The following COL28A1 variants were observed in gnomAD, a reference collection of about 807,000 sequenced individuals.
COL28A1 encodes the protein collagen alpha-1(XXVIII) chain.
Under a neutral mutation model 150.2 loss-of-function variants are expected in COL28A1, and 161 were observed. That is an observed-to-expected ratio of 1.07 (90% CI 0.94 to 1.22). The LOEUF (loss-of-function observed/expected upper bound fraction) is 1.22, where lower values mean the gene tolerates loss of function less well. Among genes scored for constraint, COL28A1 ranks in the 50% most tolerant of loss-of-function variants. The probability of loss-of-function intolerance (pLI) is 0.00; values close to 1 mark genes in which losing one functional copy is unlikely to be tolerated. For missense variants in COL28A1, 1,617 were observed against 1,388.3 expected (o/e 1.16, Z -2.62); for synonymous variants, 552 against 469.7 (o/e 1.18, Z -2.26).
At position 7,531,779 on chromosome 7, in the gene COL28A1, C is replaced by G; in HGVS notation, c.250G>C (p.Gly84Arg). ...TTGATGTCATATTCCAAGGAGCGACCAGGAGTCAATTGGAAAATCTTGTCA... is the reference window on the plus strand; with the variant it reads ...TTGATGTCATATTCCAAGGAGCGACGAGGAGTCAATTGGAAAATCTTGTCA... ...LSDKIFQLTPGRSLEYDIKLA... is the reference protein window; with the variant it reads ...LSDKIFQLTPRRSLEYDIKLA... The change falls in exon 3 of 35, where the codon GGT becomes CGT. Residue 84 changes from glycine to arginine, a missense_variant. Gly to Arg is a moderately radical substitution (Grantham distance 125). Transcript: ENST00000399429. The G allele has an allele frequency of 6.2e-7, 1 of 1,606,260 alleles. No homozygotes were observed. Among genetic ancestry groups the G allele is most frequent in the Non-Finnish European group, 8.5e-7 (1 of 1,172,928 alleles).
chr7:7,457,420 T>C lies in COL28A1; in HGVS notation c.1303-1308A>G, dbSNP rs145950877. ...TTGGCAGAATAGAGTTGTCATTGACTGAGAAGAAAAAGCCTGAGAGAAAAG... is the reference window on the plus strand; with the variant it reads ...TTGGCAGAATAGAGTTGTCATTGACCGAGAAGAAAAAGCCTGAGAGAAAAG... On this transcript the variant is annotated intron_variant, in intron 15 of 34. Transcript: ENST00000399429. Among the ~76,000 whole-genome samples the C allele has an allele frequency of 4.7e-3, 708 of 152,170 alleles. 5 individuals carry two copies. Among genetic ancestry groups the C allele is most frequent in the East Asian group, 0.022 (115 of 5,166 alleles).
At chr7:7,403,141 T>C (rs776905259) in intron 27 of COL28A1, among the ~76,000 whole-genome samples, 11 of 152,144 alleles carry the variant, frequency 7.2e-5, no homozygotes, top group Non-Finnish European at 1.3e-4. Flanking sequence ...CTATCTAATA[T>C]GAGCCCTGAT....
intron 9 of COL28A1, among the ~76,000 whole-genome samples, chr7:7,510,296 T>TTGAC (rs1211581002): frequency 6.4e-4 from 98 of 152,232 alleles, no homozygotes; most frequent in African/African-American, 2.3e-3. Context: ...GATTGATTGA[T>TTGAC]TGATTTTTGA....
chr7:7,404,746 T>C (rs1783402424), intron 27 of COL28A1, among the ~76,000 whole-genome samples: 1 of 152,164 alleles, frequency 6.6e-6, no homozygotes. Flanking sequence ...TATATAATGT[T>C]TGTATTTATT....
chr7:7,492,153 T>C (rs1439174969), intron 11 of COL28A1, among the ~76,000 whole-genome samples: 1 of 152,130 alleles, frequency 6.6e-6, no homozygotes, highest in Non-Finnish European at 1.5e-5. Context: ...TTCTCTGAGA[T>C]GAAGGGAGAT....
intron 33 of COL28A1, among the ~76,000 whole-genome samples, chr7:7,367,342 A>T (rs1780989208): frequency 6.6e-6 from 1 of 152,228 alleles, no homozygotes. Context: ...CATGTCAAAG[A>T]TTTAAATGTG....
At position 7,373,844 on chromosome 7, in the gene COL28A1, C is replaced by T. The variant is rs368980664; in HGVS notation, c.2360-298G>A. On this transcript the variant is annotated intron_variant, in intron 31 of 34. Coordinates refer to ENST00000399429, the MANE Select transcript of COL28A1 (RefSeq NM_001037763.3). This position sits in a 1 kb window ranked among gnomAD's most constrained non-coding sequence, Gnocchi z 4.1. The stretch of plus-strand genomic sequence containing the variant: ...CCTCCCGAGTAGCTGGGACTACAGG[C>T]GCCCGCCACCTCGCCTGGCTAATTT... Among the ~76,000 whole-genome samples the T allele has an allele frequency of 2.0e-5, 3 of 151,222 alleles. No individual in the cohort carries two copies. The highest frequency in any genetic ancestry group is 2.9e-5 in the Non-Finnish European group (2 of 67,856).
chr7:7,478,085 T>C (rs868841048), intron 13 of COL28A1, among the ~76,000 whole-genome samples: 3 of 151,930 alleles, frequency 2.0e-5, no homozygotes, highest in East Asian at 1.9e-4. Flanking sequence ...AGAGTGCCGA[T>C]TGGTGCATTC....
chr7:7,499,097 G>C (rs986187118), intron 11 of COL28A1, among the ~76,000 whole-genome samples: 3 of 152,020 alleles, frequency 2.0e-5, no homozygotes, highest in Non-Finnish European at 2.9e-5. Context: ...TTAGAGTCTT[G>C]GTGGGCAGAT....
At chr7:7,443,759 C>G (rs1183776709) in intron 19 of COL28A1, 106 bp from the exon 20 acceptor site, 1 of 1,442,540 alleles carries the variant, frequency 6.9e-7, no homozygotes, top group Non-Finnish European at 9.3e-7. Flanking sequence ...CTGAGACTCT[C>G]CAAAACACAC....
At chr7:7,389,919 T>C (rs1782433754) in intron 27 of COL28A1, among the ~76,000 whole-genome samples, 1 of 152,216 alleles carries the variant, frequency 6.6e-6, no homozygotes, top group African/African-American at 2.4e-5. Context: ...GTTTTCTAAA[T>C]ATACAACCAC....
At chr7:7,482,344 G>T (rs1441873595) in intron 13 of COL28A1, among the ~76,000 whole-genome samples, 1 of 152,084 alleles carries the variant, frequency 6.6e-6, no homozygotes, top group Non-Finnish European at 1.5e-5. Flanking sequence ...GGCCAACATG[G>T]TGAAAACCCA....
chr7:7,479,407 T>A (rs1333323618), intron 13 of COL28A1, among the ~76,000 whole-genome samples: 1 of 152,172 alleles, frequency 6.6e-6, no homozygotes, highest in Non-Finnish European at 1.5e-5. Context: ...AAATAAATTA[T>A]CTGAGGAAAT....
chr7:7,419,824 T>A (rs1784295998), intron 26 of COL28A1, 61 bp downstream of exon 26: 2 of 1,092,226 alleles, frequency 1.8e-6, no homozygotes, highest in Admixed American at 5.6e-5. Flanking sequence ...GAAGTTACTG[T>A]TCACTTGTTT....
the COL28A1 span, among the ~76,000 whole-genome samples, chr7:7,543,478 C>T: frequency 6.6e-6 from 1 of 152,242 alleles, no homozygotes; most frequent in African/African-American, 2.4e-5. Flanking sequence ...TTGGCCTAGA[C>T]AATAAATAAG....
intron 7 of COL28A1, among the ~76,000 whole-genome samples, chr7:7,517,168 GA>G (rs1246028586): frequency 6.6e-6 from 1 of 151,924 alleles, no homozygotes; most frequent in Non-Finnish European, 1.5e-5. Context: ...AAAATACCAA[GA>G]GAACAGTTTT....
At chr7:7,499,365 A>G (rs1263006495) in intron 11 of COL28A1, among the ~76,000 whole-genome samples, 2 of 152,194 alleles carry the variant, frequency 1.3e-5, no homozygotes, top group South Asian at 2.1e-4. Flanking sequence ...AGAACCAGAA[A>G]GCAAATTACT....
At chr7:7,526,329 A>C (rs1782022686) in intron 3 of COL28A1, among the ~76,000 whole-genome samples, 1 of 141,426 alleles carries the variant, frequency 7.1e-6, no homozygotes, top group African/African-American at 2.6e-5. Flanking sequence ...CTCGGCAGTT[A>C]AAGTGAATGC....
intron 12 of COL28A1, among the ~76,000 whole-genome samples, chr7:7,489,901 CT>C: frequency 8.0e-6 from 1 of 124,236 alleles, no homozygotes; most frequent in Non-Finnish European, 1.9e-5. Flanking sequence ...CTCCATAACT[CT>C]GCCAGCATAA....
Sources: allele counts gnomAD v4.1 joint callset (sites outside exome capture counted in the v4.1 genomes callset), GRCh38; gene constraint gnomAD v4.1.1; non-coding constraint Gnocchi (gnomAD v3.1); transcripts MANE v1.5; gene names NCBI Gene and HGNC (gene_info 2026-07-23, HGNC 2026-07-21).